GRIN2B: variants seen among roughly 807,000 people sequenced by gnomAD.
The protein encoded by GRIN2B is glutamate ionotropic receptor NMDA type subunit 2B.
GRIN2B carries 5 observed loss-of-function variants against 114.5 expected under a neutral mutation model. The ratio of observed to expected loss-of-function variants is 0.04; its 90% CI spans 0.02 to 0.09. GRIN2B has a LOEUF of 0.09. Among genes scored for constraint, GRIN2B ranks in the 10% least tolerant of loss-of-function variants. GRIN2B has a pLI of 1.00. For synonymous variants in GRIN2B, 787 were observed against 745.1 expected (o/e 1.06, Z -0.92); for missense variants, 1,108 against 1,943.5 (o/e 0.57, Z 8.08).
chr12:13,591,953 T>C (rs1297857900), intron 10 of GRIN2B, among the ~76,000 whole-genome samples: 1 of 152,198 alleles, frequency 6.6e-6, no homozygotes, highest in Admixed American at 6.5e-5. Flanking sequence ...GCAGAACTTT[T>C]GTGTTAATAT....
intron 3 of GRIN2B, among the ~76,000 whole-genome samples, chr12:13,809,788 T>C (rs1034587461): frequency 2.0e-5 from 3 of 152,222 alleles, no homozygotes; most frequent in Non-Finnish European, 4.4e-5. Flanking sequence ...CCCACTTTTG[T>C]TCCCCCACTC....
intron 9 of GRIN2B, among the ~76,000 whole-genome samples, chr12:13,609,634 G>A (rs777922747): frequency 4.6e-5 from 7 of 152,270 alleles, no homozygotes; most frequent in East Asian, 1.9e-4. Flanking sequence ...TTAGCTGGGC[G>A]TGGTGGCGGG....
intron 3 of GRIN2B, among the ~76,000 whole-genome samples, chr12:13,791,689 C>A (rs767911305): frequency 5.1e-4 from 77 of 152,070 alleles, no homozygotes; most frequent in Non-Finnish European, 2.6e-4. Context: ...CTAAATAATT[C>A]TTTATTAATA....
intron 2 of GRIN2B, among the ~76,000 whole-genome samples, chr12:13,887,355 C>T (rs760238608): frequency 2.0e-5 from 3 of 151,850 alleles, no homozygotes; most frequent in Admixed American, 2.0e-4. Context: ...TATTTTAAAA[C>T]CCACCATTCA....
At chr12:13,696,016 G>A (rs1322201241) in intron 4 of GRIN2B, among the ~76,000 whole-genome samples, 2 of 152,128 alleles carry the variant, frequency 1.3e-5, no homozygotes, top group Non-Finnish European at 2.9e-5. Context: ...CACTATCAAG[G>A]TATGACACCT....
intron 3 of GRIN2B, among the ~76,000 whole-genome samples, chr12:13,807,937 T>C (rs997462578): frequency 6.6e-6 from 1 of 152,010 alleles, no homozygotes; most frequent in Non-Finnish European, 1.5e-5. Context: ...TAATCCATAA[T>C]CTGTTATGCT....
intron 2 of GRIN2B, among the ~76,000 whole-genome samples, chr12:13,971,979 C>A (rs1293899789): frequency 6.6e-6 from 1 of 152,162 alleles, no homozygotes; most frequent in Non-Finnish European, 1.5e-5. Context: ...CTCCACTAAT[C>A]ATAGAACAGT....
Position 13,625,673 on chromosome 12 carries a change from T to C in GRIN2B, c.1126-9016A>G, listed in dbSNP as rs377040669. On this transcript the variant is annotated intron_variant, in intron 5 of 13. Coordinates refer to ENST00000609686, the MANE Select transcript of GRIN2B (RefSeq NM_000834.5). ...GGGGGAAATACTGAACAAATTCTAC[T>C]TCCCAAGCTTTTAACTCAATTTTTT... Among the ~76,000 whole-genome samples the C allele has an allele frequency of 9.2e-5, 14 of 152,346 alleles. 1 individual carries two copies. In the East Asian group the frequency reaches 2.5e-3, roughly 27 times the overall value.
intron 5 of GRIN2B, among the ~76,000 whole-genome samples, chr12:13,668,779 C>CT (rs1241801685): frequency 2.0e-5 from 3 of 151,790 alleles, no homozygotes; most frequent in African/African-American, 7.3e-5. Context: ...ACAACAAGCA[C>CT]TTTTTTTATT....
intron 3 of GRIN2B, among the ~76,000 whole-genome samples, chr12:13,762,681 T>C (rs1230795325): frequency 6.6e-6 from 1 of 152,218 alleles, no homozygotes; most frequent in Non-Finnish European, 1.5e-5. Flanking sequence ...TACAGTGATC[T>C]TGCTTGTACA....
intron 3 of GRIN2B, among the ~76,000 whole-genome samples, chr12:13,833,667 C>A (rs1865194213): frequency 6.6e-6 from 1 of 152,148 alleles, no homozygotes; most frequent in South Asian, 2.1e-4. Context: ...AAACATGGGA[C>A]TGATAGAAAC....
In GRIN2B at chr12:13,597,020, T is replaced by C. The variant is rs568217789; in HGVS notation, c.2010+11583A>G. ...TGGTAGGCAGTATCACAGGGGCAGA[T>C]GCAGGCTGTGGGGTCAGCTCTCTGG... On this transcript the variant is annotated intron_variant, in intron 10 of 13. Transcript: ENST00000609686. Among the ~76,000 whole-genome samples the C allele has an allele frequency of 3.9e-5, 6 of 152,370 alleles. No homozygotes were observed. The East Asian group carries it at 1.2e-3, about 29-fold the overall frequency.
intron 10 of GRIN2B, among the ~76,000 whole-genome samples, chr12:13,584,237 C>A (rs979126471): frequency 2.0e-5 from 3 of 152,162 alleles, no homozygotes; most frequent in Non-Finnish European, 2.9e-5. Context: ...GCCCCAAAAG[C>A]CCTGGATATC....
At chr12:13,567,749 C>A (rs1242068965) in intron 12 of GRIN2B, among the ~76,000 whole-genome samples, 1 of 151,900 alleles carries the variant, frequency 6.6e-6, no homozygotes, top group Non-Finnish European at 1.5e-5. Context: ...ATAGTATGGT[C>A]GGTGGGAACA....
intron 8 of GRIN2B, among the ~76,000 whole-genome samples, chr12:13,612,535 G>A (rs749228184): frequency 6.6e-6 from 1 of 152,166 alleles, no homozygotes; most frequent in South Asian, 2.1e-4. Context: ...CAAGTGACAA[G>A]GGAACATGTC....
chr12:13,844,534 G>A (rs150007082), intron 3 of GRIN2B, among the ~76,000 whole-genome samples: 7 of 152,310 alleles, frequency 4.6e-5, no homozygotes, highest in Non-Finnish European at 7.4e-5. Flanking sequence ...TGACTCCCCT[G>A]TGCTGACATG....
At chr12:13,890,708 C>T (rs1866244966) in intron 2 of GRIN2B, among the ~76,000 whole-genome samples, 1 of 152,126 alleles carries the variant, frequency 6.6e-6, no homozygotes, top group South Asian at 2.1e-4. Flanking sequence ...ATTGCTGTCC[C>T]TTGAACCAGC....
intron 4 of GRIN2B, among the ~76,000 whole-genome samples, chr12:13,742,345 T>C (rs1221089380): frequency 6.6e-6 from 1 of 152,246 alleles, no homozygotes; most frequent in African/African-American, 2.4e-5. Flanking sequence ...ACCTAAGCTA[T>C]TGTTATCTAG....
intron 2 of GRIN2B, among the ~76,000 whole-genome samples, chr12:13,914,023 C>T (rs1338584695): frequency 1.3e-5 from 2 of 152,170 alleles, no homozygotes; most frequent in Non-Finnish European, 2.9e-5. Flanking sequence ...ATCTTAGATT[C>T]AGCAGATCCT....
Sources: allele counts gnomAD v4.1 joint callset (sites outside exome capture counted in the v4.1 genomes callset), GRCh38; gene constraint gnomAD v4.1.1; transcripts MANE v1.5; gene names NCBI Gene and HGNC (gene_info 2026-07-23, HGNC 2026-07-21).